Variants in RXRG observed in about 807,000 individuals in gnomAD.
The protein encoded by RXRG is retinoic acid receptor RXR-gamma.
Under a neutral mutation model 49.2 loss-of-function variants are expected in RXRG, and 19 were observed. The ratio of observed to expected loss-of-function variants is 0.39; its 90% CI spans 0.27 to 0.57. The LOEUF (loss-of-function observed/expected upper bound fraction) is 0.57. Ranked by LOEUF, RXRG falls within the 20% of genes least tolerant of loss-of-function variation. The pLI is 0.64. For missense variants in RXRG, 452 were observed against 592.5 expected, an observed-to-expected ratio of 0.76 and a Z score of 2.46; for synonymous variants, 224 against 216.6, an observed-to-expected ratio of 1.03 and a Z score of -0.30.
At chr1:165,420,339 T>G (rs1252798910) in intron 2 of RXRG, among the ~76,000 whole-genome samples, 3 of 152,204 alleles carry the variant, frequency 2.0e-5, no homozygotes, top group Non-Finnish European at 4.4e-5. Flanking sequence ...CCCAGGACAA[T>G]GTCAACTGTG....
At chr1:165,416,073 G>C (rs1438806093) in intron 4 of RXRG, among the ~76,000 whole-genome samples, 2 of 152,142 alleles carry the variant, frequency 1.3e-5, no homozygotes, top group East Asian at 3.8e-4. Context: ...TTTTAGCAGG[G>C]ACACAAAGAG....
chr1:165,431,709 G>A (rs1300975006), intron 1 of RXRG, among the ~76,000 whole-genome samples: 1 of 152,104 alleles, frequency 6.6e-6, no homozygotes, highest in Non-Finnish European at 1.5e-5. Flanking sequence ...CCTGACATCA[G>A]GCCTAGACTG....
At chr1:165,441,349 G>C (rs1319004276) in intron 1 of RXRG, among the ~76,000 whole-genome samples, 1 of 152,210 alleles carries the variant, frequency 6.6e-6, no homozygotes, top group Non-Finnish European at 1.5e-5. Context: ...GGAGCTCCCT[G>C]GGGGTGTGCT....
At chr1:165,435,453 C>T (rs1284423050) in intron 1 of RXRG, among the ~76,000 whole-genome samples, 1 of 152,146 alleles carries the variant, frequency 6.6e-6, no homozygotes, top group Non-Finnish European at 1.5e-5. Flanking sequence ...AGAGCAGGGC[C>T]AGGATCCAAA....
At position 165,444,934 on chromosome 1, in the gene RXRG, A is replaced by G. The variant is rs1214470621; in HGVS notation, c.-41T>C. ...CATGTTCCTCTCCTGTGCAGCTTCT[A>G]AATATTACCGCCTCTCTCGGCTCCC... is the stretch of plus-strand genomic sequence containing the variant. On this transcript the variant is annotated 5_prime_UTR_variant, in exon 1 of 10. Transcript: ENST00000359842. The G allele has an allele frequency of 6.3e-7, 1 of 1,587,282 alleles. No individual in the cohort carries two copies. The highest frequency in any genetic ancestry group is 1.3e-5 in the African/African-American group (1 of 74,428).
chr1:165,429,195 T>C (rs1658594185), intron 1 of RXRG, among the ~76,000 whole-genome samples: 1 of 152,168 alleles, frequency 6.6e-6, no homozygotes, highest in Non-Finnish European at 1.5e-5. Context: ...AGCATGGATG[T>C]TCTCTGGGGC....
intron 9 of RXRG, among the ~76,000 whole-genome samples, chr1:165,403,722 G>A (rs552528433): frequency 6.6e-6 from 1 of 152,326 alleles, no homozygotes; most frequent in African/African-American, 2.4e-5. Context: ...CAGCTTCTCT[G>A]TAAGTACAAA....
intron 1 of RXRG, among the ~76,000 whole-genome samples, chr1:165,432,960 A>T (rs1658715533): frequency 6.6e-6 from 1 of 152,200 alleles, no homozygotes; most frequent in Non-Finnish European, 1.5e-5. Flanking sequence ...GAGAGTAGTA[A>T]CAGGTGGGGC....
intron 1 of RXRG, among the ~76,000 whole-genome samples, chr1:165,435,525 A>G (rs1658795804): frequency 1.3e-5 from 2 of 152,176 alleles, no homozygotes; most frequent in South Asian, 4.1e-4. Context: ...GCCACTTGCC[A>G]GGATGGAGGG....
At chr1:165,434,172 G>A (rs1283436689) in intron 1 of RXRG, among the ~76,000 whole-genome samples, 1 of 152,136 alleles carries the variant, frequency 6.6e-6, no homozygotes, top group Non-Finnish European at 1.5e-5. Context: ...GTTAATTAAT[G>A]TATACAAGTA....
At chr1:165,437,710 C>T (rs751070055) in intron 1 of RXRG, among the ~76,000 whole-genome samples, 1 of 152,192 alleles carries the variant, frequency 6.6e-6, no homozygotes, top group Non-Finnish European at 1.5e-5. Context: ...TTCAAACACT[C>T]ATTGACATCT....
At chr1:165,409,849 G>A (rs1245975600) in intron 6 of RXRG, among the ~76,000 whole-genome samples, 159 bp from the exon 7 acceptor site, 1 of 152,064 alleles carries the variant, frequency 6.6e-6, no homozygotes, top group African/African-American at 2.4e-5. Flanking sequence ...CATTAGCGAA[G>A]AAACAAAGGA....
chr1:165,415,171 G>A (rs540670495), intron 4 of RXRG, among the ~76,000 whole-genome samples: 12 of 152,108 alleles, frequency 7.9e-5, no homozygotes, highest in Admixed American at 5.9e-4. Flanking sequence ...GTAAAGATAC[G>A]AAGGATGAGA....
At chr1:165,440,536 G>A (rs938806851) in intron 1 of RXRG, among the ~76,000 whole-genome samples, 1 of 152,116 alleles carries the variant, frequency 6.6e-6, no homozygotes, top group Non-Finnish European at 1.5e-5. Context: ...CATTCAAAAA[G>A]TTCTGGATTT....
intron 1 of RXRG, among the ~76,000 whole-genome samples, chr1:165,441,825 G>T (rs1051016166): frequency 6.6e-6 from 1 of 152,178 alleles, no homozygotes; most frequent in Non-Finnish European, 1.5e-5. Context: ...GCAAACCCTG[G>T]ACTTGGCAGA....
chr1:165,428,822 G>T lies in RXRG; in HGVS notation c.194C>A (p.Ala65Asp). The change falls in exon 2 of 10, where the codon GCC becomes GAC. Residue 65 changes from alanine to aspartate, a missense_variant. Physicochemically the swap from Ala to Asp is moderately radical, Grantham distance 126. Transcript: ENST00000359842. ...GATGACTCGATATGGAGAGCCCAGGGCATTGAGGGGGGTCCCCACTGCACT... is the reference window on the plus strand; with the variant it reads ...GATGACTCGATATGGAGAGCCCAGGTCATTGAGGGGGGTCCCCACTGCACT... ...TLSAVGTPLNALGSPYRVITS... is the reference protein window; with the variant it reads ...TLSAVGTPLNDLGSPYRVITS... 6.2e-7 allele frequency: 1 copy of T among 1,614,190 alleles called. No homozygotes were observed. Among genetic ancestry groups the T allele is most frequent in the Non-Finnish European group, 8.5e-7 (1 of 1,180,012 alleles).
chr1:165,419,932 G>T lies in RXRG; in HGVS notation c.380C>A (p.Pro127Gln). The change falls in exon 3 of 10, where the codon CCA becomes CAA. Residue 127 changes from proline (P) to glutamine (Q), a missense_variant. By Grantham distance (76) the Pro-to-Gln change is moderately conservative. This residue lies in a region of RXRG where 286 missense variants were observed against 440.9 expected (regional missense o/e 0.65). Transcript: ENST00000359842. ...GLPGIGNMNY[P>Q]STSPGSLVKH... ...AACCAGAGATCCGGGGCTGGTGGAT[G>T]GGTAGTTCATGTTTCCAATCCCGGG... 12 of 1,613,492 alleles carry T rather than the reference G, an allele frequency of 7.4e-6. No individual in the cohort carries two copies. The highest frequency in any genetic ancestry group is 1.0e-5 in the Non-Finnish European group (12 of 1,179,590).
At chr1:165,417,243 C>G in intron 3 of RXRG, 23 bp from the exon 4 acceptor site, 1 of 1,575,958 alleles carries the variant, frequency 6.3e-7, no homozygotes, top group Non-Finnish European at 8.6e-7. Flanking sequence ...AAAGAACATT[C>G]CATAGATTGT....
At chr1:165,429,032 G>A (rs906054448) in intron 1 of RXRG, 66 bp from the exon 2 acceptor site, 8 of 1,528,914 alleles carry the variant, frequency 5.2e-6, no homozygotes, top group African/African-American at 1.4e-5. Context: ...GGGGGACAGA[G>A]GCCTAGCCCC....
Sources: gnomAD v4.1 joint callset for allele counts (sites outside exome capture counted in the v4.1 genomes callset) on GRCh38, gnomAD v4.1.1 for gene constraint, gnomAD v4.1.1 regional missense constraint, MANE v1.5 for transcripts, NCBI Gene and HGNC (gene_info 2026-07-23, HGNC 2026-07-21) for gene names.